NFIB: variants seen among roughly 807,000 people sequenced by gnomAD.
NFIB encodes the protein nuclear factor I B, also known as nuclear factor 1 B-type.
Under a neutral mutation model 61.5 loss-of-function variants are expected in NFIB, and 11 were observed. That is an observed-to-expected ratio of 0.18 (90% CI 0.11 to 0.30). NFIB has a LOEUF of 0.30. Among genes scored for constraint, NFIB ranks in the 10% least tolerant of loss-of-function variants. NFIB has a pLI of 1.00. For synonymous variants in NFIB, 260 were observed against 216.5 expected, an observed-to-expected ratio of 1.20 and a Z score of -1.76; for missense variants, 471 against 608.9, an observed-to-expected ratio of 0.77 and a Z score of 2.38.
upstream of NFIB, among the ~76,000 whole-genome samples, chr9:14,317,540 C>T (rs76616719): frequency 5.3e-3 from 810 of 152,232 alleles, 24 homozygotes; most frequent in East Asian, 0.086. Flanking sequence ...TATGGTGAGG[C>T]GAGGAAAACC....
chr9:14,248,713 A>T (rs2055225859), intron 2 of NFIB, among the ~76,000 whole-genome samples: 3 of 152,174 alleles, frequency 2.0e-5, no homozygotes, highest in Admixed American at 2.0e-4. Context: ...AGCATAGCCA[A>T]AGAGAAGAAA....
At position 14,160,340 on chromosome 9, in the gene NFIB, G is replaced by C. The variant is rs778591451; in HGVS notation, c.617-4447C>G. Among the ~76,000 whole-genome samples, 25 of 151,840 alleles carry C rather than the reference G, an allele frequency of 1.6e-4. 4 individuals carry two copies. The highest frequency in any genetic ancestry group is 1.2e-3 in the Admixed American group (19 of 15,230). ...CTGTTAATATCTCAAATTATAATCA[G>C]TACCATTTGAATGTTAAACAACATT... On this transcript the variant is annotated intron_variant, in intron 3 of 10. Coordinates refer to ENST00000380953, the MANE Select transcript of NFIB (RefSeq NM_001190737.2).
At chr9:14,491,486 G>A in the NFIB span, among the ~76,000 whole-genome samples, 1,781 of 152,308 alleles carry the variant, frequency 0.012, 30 homozygotes, top group African/African-American at 0.041. Context: ...GAGAATGTGG[G>A]CAAGACAGAC....
At chr9:14,280,991 T>C (rs1231047342) in intron 2 of NFIB, among the ~76,000 whole-genome samples, 1 of 152,186 alleles carries the variant, frequency 6.6e-6, no homozygotes, top group African/African-American at 2.4e-5. Flanking sequence ...ATAAGTTACA[T>C]AGCTCTTTGT....
chr9:14,394,608 C>T (rs1289276629), intron 1 of NFIB, among the ~76,000 whole-genome samples: 2 of 152,180 alleles, frequency 1.3e-5, no homozygotes, highest in African/African-American at 2.4e-5. Context: ...CCACCTGGCC[C>T]TGCCCTTAAC....
At position 14,087,232 on chromosome 9, in the gene NFIB, T is replaced by C. The variant is rs1184389838; in HGVS notation, c.*1077A>G. On this transcript the variant is annotated 3_prime_UTR_variant, in exon 11 of 11. Coordinates refer to ENST00000380953, the MANE Select transcript of NFIB (RefSeq NM_001190737.2). Reference sequence around the variant, plus strand: ...GAGGCTGCAGCTAAACCAACATAAGTGCTGTGTTTTCATTAATTTTATTTT... The same window carrying C: ...GAGGCTGCAGCTAAACCAACATAAGCGCTGTGTTTTCATTAATTTTATTTT... 2.5e-5 allele frequency: 5 copies of C among 203,276 alleles called. No homozygotes were observed. In the East Asian group the frequency reaches 3.8e-4, roughly 15 times the overall value. 12.6% of individuals were successfully genotyped at this position (203,276 alleles called of 1,614,324 possible).
intron 2 of NFIB, among the ~76,000 whole-genome samples, chr9:14,234,532 G>C (rs1472389691): frequency 6.6e-6 from 1 of 151,864 alleles, no homozygotes; most frequent in Non-Finnish European, 1.5e-5. Flanking sequence ...ACCACGCCCA[G>C]CTAATTTTTG....
chr9:14,161,123 C>T (rs2044154668), intron 3 of NFIB, among the ~76,000 whole-genome samples: 1 of 152,074 alleles, frequency 6.6e-6, no homozygotes, highest in Non-Finnish European at 1.5e-5. Flanking sequence ...ACTTCAGATA[C>T]CACAACTAAC....
chr9:14,525,538 G>C, the NFIB span, among the ~76,000 whole-genome samples: 3 of 152,046 alleles, frequency 2.0e-5, no homozygotes, highest in African/African-American at 7.2e-5. Context: ...AAAGTACCAG[G>C]CAAACACCTG....
chr9:14,148,634 GTT>G (rs1167780028), intron 5 of NFIB, among the ~76,000 whole-genome samples: 1 of 152,170 alleles, frequency 6.6e-6, no homozygotes, highest in Non-Finnish European at 1.5e-5. Context: ...TCCAGGGCAA[GTT>G]AATGGAAGCA....
chr9:14,503,139 T>A, the NFIB span, among the ~76,000 whole-genome samples: 2 of 149,524 alleles, frequency 1.3e-5, no homozygotes, highest in African/African-American at 5.0e-5. Context: ...TGTGTGTGTG[T>A]ATATATATAA....
At chr9:14,147,138 T>A (rs986491984) in intron 5 of NFIB, among the ~76,000 whole-genome samples, 2 of 152,224 alleles carry the variant, frequency 1.3e-5, no homozygotes, top group Non-Finnish European at 2.9e-5. Context: ...TGTGTTATTG[T>A]GTACCTGACT....
chr9:14,126,100 G>T (rs1260093981), intron 6 of NFIB, among the ~76,000 whole-genome samples: 2 of 152,152 alleles, frequency 1.3e-5, no homozygotes, highest in African/African-American at 4.8e-5. Flanking sequence ...TTCATTCTGA[G>T]ATTTATATGA....
chr9:14,448,291 G>A, the NFIB span, among the ~76,000 whole-genome samples: 3 of 152,068 alleles, frequency 2.0e-5, no homozygotes, highest in Non-Finnish European at 1.5e-5. Flanking sequence ...GATGCTTCCT[G>A]GAAGATTTTT....
chr9:14,426,797 A>C, the NFIB span, among the ~76,000 whole-genome samples: 5 of 152,172 alleles, frequency 3.3e-5, no homozygotes, highest in Non-Finnish European at 5.9e-5. Context: ...GCTCAGGAAC[A>C]GTCCTACTTC....
chr9:14,277,660 A>G (rs1229614753), intron 2 of NFIB, among the ~76,000 whole-genome samples: 4 of 152,194 alleles, frequency 2.6e-5, no homozygotes, highest in African/African-American at 9.7e-5. Flanking sequence ...TTAGAAGCCA[A>G]AGGAATTTCA....
chr9:14,491,919 T>G, the NFIB span, among the ~76,000 whole-genome samples: 1 of 152,212 alleles, frequency 6.6e-6, no homozygotes, highest in Non-Finnish European at 1.5e-5. Flanking sequence ...GCATGGTGTC[T>G]CAGAATCTCA....
chr9:14,364,107 T>G (rs2061272611), intron 1 of NFIB, among the ~76,000 whole-genome samples: 1 of 152,152 alleles, frequency 6.6e-6, no homozygotes, highest in Admixed American at 6.5e-5. Context: ...AGGGTATGAG[T>G]ATTTCATTTT....
chr9:14,404,453 G>A, the NFIB span, among the ~76,000 whole-genome samples: 2 of 152,046 alleles, frequency 1.3e-5, no homozygotes, highest in South Asian at 4.1e-4. Flanking sequence ...GAATAAAGTC[G>A]GCCACCTCCT....
Sources: gnomAD v4.1 joint callset for allele counts (sites outside exome capture counted in the v4.1 genomes callset) on GRCh38, gnomAD v4.1.1 for gene constraint, MANE v1.5 for transcripts, NCBI Gene and HGNC (gene_info 2026-07-23, HGNC 2026-07-21) for gene names.